TRIO: variants seen among roughly 807,000 people sequenced by gnomAD.
TRIO encodes triple functional domain protein.
A neutral mutation model predicts 351.9 loss-of-function variants in TRIO; 58 were observed. The observed-to-expected ratio is 0.16, with a 90% CI of 0.13 to 0.21. TRIO has a LOEUF of 0.21. TRIO is among the 10% of genes least tolerant of loss of function. The pLI is 1.00. For synonymous variants in TRIO, 1,758 were observed against 1,595.7 expected, an observed-to-expected ratio of 1.10 and a Z score of -2.42; for missense variants, 3,201 against 4,027.8, an observed-to-expected ratio of 0.79 and a Z score of 5.56.
chr5:14,178,388 G>A (rs1054047150), intron 1 of TRIO, among the ~76,000 whole-genome samples: 1 of 152,186 alleles, frequency 6.6e-6, no homozygotes, highest in Non-Finnish European at 1.5e-5. Context: ...TGTTCTGGCC[G>A]CATGTTAGGA....
chr5:14,290,154 CTGG>C (rs1415697859), intron 4 of TRIO, among the ~76,000 whole-genome samples: 1 of 152,118 alleles, frequency 6.6e-6, no homozygotes, highest in Non-Finnish European at 1.5e-5. Flanking sequence ...ATAGGGTGGT[CTGG>C]TTGGAGCAGC....
At chr5:14,494,254 T>G (rs1756711145) in intron 49 of TRIO, among the ~76,000 whole-genome samples, 1 of 152,210 alleles carries the variant, frequency 6.6e-6, no homozygotes, top group African/African-American at 2.4e-5. Context: ...TTACTGAATT[T>G]GATGGCAGTT....
In TRIO at chr5:14,487,516, CGGCGGCAGCGGG is replaced by C; in HGVS notation, c.6892_6903del (p.Gly2298_Gly2301del). On this transcript the variant is annotated inframe_deletion, in exon 48 of 57. Coordinates refer to ENST00000344204, the MANE Select transcript of TRIO (RefSeq NM_007118.4). Reference sequence around the variant, plus strand: ...GGAACCACAGCGGGGGCGGCGGCGGCGGCGGCAGCGGGGGCAGCGGCGGGGGTGGGGGCAGCG... The same window carrying C: ...GGAACCACAGCGGGGGCGGCGGCGGCGGCAGCGGCGGGGGTGGGGGCAGCG... 3 of 845,788 alleles carry C rather than the reference CGGCGGCAGCGGG, an allele frequency of 3.5e-6. No individual in the cohort carries two copies. Among genetic ancestry groups the C allele is most frequent in the Non-Finnish European group, 4.5e-6 (3 of 673,110 alleles). The allele number at this position is 845,788 out of a possible 1,614,324, so 52.4% of individuals were successfully genotyped here. A position where few individuals can be genotyped will look rare whatever the true frequency, so the allele number is the denominator to read the frequency against.
At chr5:14,404,016 TGAG>T (rs1490721448) in intron 31 of TRIO, among the ~76,000 whole-genome samples, 1 of 143,634 alleles carries the variant, frequency 7.0e-6, no homozygotes, top group Non-Finnish European at 1.5e-5. Context: ...TAGGTTGTGG[TGAG>T]GGTGTAGGTT....
chr5:14,272,431 C>T (rs190551653), intron 2 of TRIO, among the ~76,000 whole-genome samples: 1 of 152,140 alleles, frequency 6.6e-6, no homozygotes, highest in Non-Finnish European at 1.5e-5. Context: ...TGTATTCATG[C>T]TTTTATTAGG....
chr5:14,181,657 G>A (rs1789776087), intron 1 of TRIO, among the ~76,000 whole-genome samples: 1 of 152,196 alleles, frequency 6.6e-6, no homozygotes, highest in Non-Finnish European at 1.5e-5. Flanking sequence ...AATCCTTTGA[G>A]GGCCATTTCA....
At chr5:14,250,652 G>C (rs987681056) in intron 1 of TRIO, among the ~76,000 whole-genome samples, 2 of 152,158 alleles carry the variant, frequency 1.3e-5, no homozygotes, top group South Asian at 2.1e-4. Flanking sequence ...CTGTACACTC[G>C]AGAGGGATGG....
intron 15 of TRIO, among the ~76,000 whole-genome samples, chr5:14,365,784 A>G (rs1180392937): frequency 6.6e-6 from 1 of 152,198 alleles, no homozygotes; most frequent in Admixed American, 6.5e-5. Context: ...TGGTCCCATG[A>G]TACATTAGGC....
At chr5:14,476,837 T>A in intron 40 of TRIO, 57 bp from the exon 41 acceptor site, 1 of 1,418,538 alleles carries the variant, frequency 7.0e-7, no homozygotes, top group Non-Finnish European at 9.7e-7. Flanking sequence ...TAAACCTAAA[T>A]CTAAAATTAG....
At chr5:14,250,102 T>C (rs1794652779) in intron 1 of TRIO, among the ~76,000 whole-genome samples, 1 of 152,200 alleles carries the variant, frequency 6.6e-6, no homozygotes, top group Non-Finnish European at 1.5e-5. Context: ...AAGGGCAATT[T>C]ACACCGACAG....
chr5:14,216,108 A>G (rs1216034572), intron 1 of TRIO, among the ~76,000 whole-genome samples: 1 of 152,222 alleles, frequency 6.6e-6, no homozygotes, highest in East Asian at 1.9e-4. Context: ...GCTCACAGCA[A>G]GAGCTTAACA....
chr5:14,419,876 G>A lies in TRIO; in HGVS notation c.5058G>A (p.Leu1686=). 2 of 1,614,154 alleles carry A rather than the reference G, an allele frequency of 1.2e-6. No individual in the cohort carries two copies. Among genetic ancestry groups the A allele is most frequent in the East Asian group, 2.2e-5 (1 of 44,880 alleles). Residue 1686 remains leucine (L), a synonymous_variant, in exon 34 of 57, where the codon CTG becomes CTA. Coordinates refer to ENST00000344204, the MANE Select transcript of TRIO (RefSeq NM_007118.4). ...TIRRGQTVEV[L]ERPHDKPDWC... The stretch of plus-strand genomic sequence containing the variant: ...GACGGGGCCAGACCGTGGAAGTTCT[G>A]GAGCGGCCGCATGACAAGCCTGACT...
At chr5:14,148,155 G>A (rs1213936515) in intron 1 of TRIO, among the ~76,000 whole-genome samples, 1 of 152,264 alleles carries the variant, frequency 6.6e-6, no homozygotes, top group East Asian at 1.9e-4. Flanking sequence ...ATTTAAAGAA[G>A]CCATTTCCAC....
chr5:14,397,329 A>G (rs1330444505), intron 29 of TRIO, 175 bp downstream of exon 29: 14 of 578,408 alleles, frequency 2.4e-5, no homozygotes, highest in Admixed American at 6.7e-5. Context: ...AAATGTTTCT[A>G]TACTCATTGA....
rs1010284417 is a variant in TRIO at position 14,467,510 on chromosome 5, C to T, written c.5763+1870C>T. Among the ~76,000 whole-genome samples, 4 of 152,246 alleles carry T rather than the reference C, an allele frequency of 2.6e-5. No individual in the cohort carries two copies. In the South Asian group the frequency reaches 6.2e-4, roughly 24 times the overall value. On this transcript the variant is annotated intron_variant, in intron 37 of 56. Transcript: ENST00000344204. ...GGTAGATAACTCACGAATTCGGACTCCACTGGTTAAGATTTTGGAATCAGG... is the reference window on the plus strand; with the variant it reads ...GGTAGATAACTCACGAATTCGGACTTCACTGGTTAAGATTTTGGAATCAGG...
rs757252990 is a variant in TRIO at position 14,194,171 on chromosome 5, TA to T, written c.157+50296del. Among the ~76,000 whole-genome samples, 39 of 152,278 alleles carry T rather than the reference TA, an allele frequency of 2.6e-4. No individual in the cohort carries two copies. The East Asian group carries it at 2.7e-3, about 11-fold the overall frequency. On this transcript the variant is annotated intron_variant, in intron 1 of 56. Coordinates refer to ENST00000344204, the MANE Select transcript of TRIO (RefSeq NM_007118.4). ...ACCTGTCTACCTATAGAAGTTCCTT[TA>T]AAAAAAGAGCTGTCTTTTTACTACT...
At chr5:14,287,666 T>C (rs1736564038) in intron 4 of TRIO, among the ~76,000 whole-genome samples, 1 of 152,250 alleles carries the variant, frequency 6.6e-6, no homozygotes, top group South Asian at 2.1e-4. Context: ...TGTAACCTCC[T>C]CTCCTTAAGC....
intron 41 of TRIO, among the ~76,000 whole-genome samples, chr5:14,477,740 G>A (rs1755194212): frequency 6.6e-6 from 1 of 152,118 alleles, no homozygotes; most frequent in African/African-American, 2.4e-5. Context: ...GCCATGCGCG[G>A]TCCTGTGACA....
rs1169301380 is a variant in TRIO at position 14,394,146 on chromosome 5, C to T, written c.4311+16C>T. 9 of 1,496,544 alleles carry T rather than the reference C, an allele frequency of 6.0e-6. No individual in the cohort carries two copies. The highest frequency in any genetic ancestry group is 5.5e-6 in the Non-Finnish European group (6 of 1,090,708). The allele number at this position is 1,496,544 out of a possible 1,614,324, so 92.7% of individuals were successfully genotyped here. ...CCTTTTAAAAGTATGTATAATGCGT[C>T]TTCAGCCTGTGAAATTTTATGAATT... On this transcript the variant is annotated intron_variant, in intron 28 of 56. Coordinates refer to ENST00000344204, the MANE Select transcript of TRIO (RefSeq NM_007118.4).
Sources: allele counts gnomAD v4.1 joint callset (sites outside exome capture counted in the v4.1 genomes callset), GRCh38; gene constraint gnomAD v4.1.1; transcripts MANE v1.5; gene names NCBI Gene and HGNC (gene_info 2026-07-23, HGNC 2026-07-21).